DOCK3: variants seen among roughly 807,000 people sequenced by gnomAD.
DOCK3 encodes dedicator of cytokinesis protein 3.
Under a neutral mutation model 265.6 loss-of-function variants are expected in DOCK3, and 60 were observed. The ratio of observed to expected loss-of-function variants is 0.23; its 90% CI spans 0.18 to 0.28. DOCK3 has a LOEUF of 0.28. Ranked by LOEUF, DOCK3 falls within the 10% of genes least tolerant of loss-of-function variation. The pLI is 1.00. For missense variants in DOCK3, 1,981 were observed against 2,594.3 expected (o/e 0.76, Z 5.14); for synonymous variants, 881 against 938.0 (o/e 0.94, Z 1.11).
intron 1 of DOCK3, among the ~76,000 whole-genome samples, chr3:50,754,547 T>A (rs2040036954): frequency 6.6e-6 from 1 of 152,064 alleles, no homozygotes; most frequent in Non-Finnish European, 1.5e-5. Context: ...TACTGCTTTT[T>A]GTTTTAACAA....
chr3:50,941,498 T>A (rs1337927635), intron 5 of DOCK3, among the ~76,000 whole-genome samples: 1 of 152,018 alleles, frequency 6.6e-6, no homozygotes. Context: ...TGGAGAAAAA[T>A]TTGGACTTTT....
intron 5 of DOCK3, among the ~76,000 whole-genome samples, chr3:51,024,082 A>G (rs993210587): frequency 6.6e-6 from 1 of 151,958 alleles, no homozygotes; most frequent in Non-Finnish European, 1.5e-5. Context: ...TCTGACTTCA[A>G]TGTTTGTAGT....
chr3:50,797,582 A>G (rs530790051), intron 2 of DOCK3, among the ~76,000 whole-genome samples: 3 of 152,268 alleles, frequency 2.0e-5, no homozygotes, highest in South Asian at 2.1e-4. Flanking sequence ...CACTTGTAGT[A>G]TTTTTGAGGC....
intron 9 of DOCK3, among the ~76,000 whole-genome samples, chr3:51,110,418 T>C (rs1377383088): frequency 6.6e-6 from 1 of 152,136 alleles, no homozygotes; most frequent in East Asian, 1.9e-4. Flanking sequence ...TTGATGAACA[T>C]TGATGCAAAA....
intron 2 of DOCK3, among the ~76,000 whole-genome samples, chr3:50,779,038 A>G (rs1474226747): frequency 2.6e-5 from 4 of 152,200 alleles, no homozygotes; most frequent in African/African-American, 9.7e-5. Flanking sequence ...TGGTACAGAT[A>G]TACAATGTGT....
intron 5 of DOCK3, among the ~76,000 whole-genome samples, chr3:51,009,091 G>C (rs1286977233): frequency 2.0e-5 from 3 of 152,022 alleles, no homozygotes; most frequent in Non-Finnish European, 4.4e-5. Context: ...TTTTTGTTGA[G>C]TCTCTGCCAG....
At position 51,374,658 on chromosome 3, in the gene DOCK3, C is replaced by T. The variant is rs1232019835; in HGVS notation, c.5412+71C>T. 24 of 1,411,028 alleles carry T rather than the reference C, an allele frequency of 1.7e-5. No homozygotes were observed. The highest frequency in any genetic ancestry group is 2.5e-5 in the South Asian group (2 of 80,956). 87.4% of individuals were successfully genotyped at this position (1,411,028 alleles called of 1,614,324 possible). On this transcript the variant is annotated intron_variant, in intron 50 of 52. Transcript: ENST00000266037. This position sits in a 1 kb window ranked among gnomAD's most constrained non-coding sequence, Gnocchi z 4.8. ...GCCTGTGCTTCCCTCCTTGCATTTGCGGGGCCTTCTGCATTGTCCTACATG... is the reference window on the plus strand; with the variant it reads ...GCCTGTGCTTCCCTCCTTGCATTTGTGGGGCCTTCTGCATTGTCCTACATG...
intron 5 of DOCK3, among the ~76,000 whole-genome samples, chr3:51,041,193 TA>T (rs1559977998): frequency 0.011 from 202 of 18,020 alleles, no homozygotes; most frequent in African/African-American, 0.021. Flanking sequence ...TATATATATA[TA>T]TATATATATA....
chr3:51,281,720 C>G (rs1325357260), intron 27 of DOCK3, among the ~76,000 whole-genome samples: 2 of 152,172 alleles, frequency 1.3e-5, no homozygotes, highest in Non-Finnish European at 2.9e-5. Context: ...TCCTTCAGTG[C>G]TGATTACAAA....
chr3:50,839,794 A>G (rs2045730433), intron 2 of DOCK3, among the ~76,000 whole-genome samples: 1 of 122,436 alleles, frequency 8.2e-6, no homozygotes, highest in South Asian at 3.1e-4. Flanking sequence ...TTTGAGATGG[A>G]GTATCACTCT....
chr3:50,823,492 C>T (rs371764857), intron 2 of DOCK3, among the ~76,000 whole-genome samples: 1 of 152,220 alleles, frequency 6.6e-6, no homozygotes, highest in Non-Finnish European at 1.5e-5. Flanking sequence ...GGTAAGGTCA[C>T]AGATCAACAG....
intron 22 of DOCK3, among the ~76,000 whole-genome samples, chr3:51,255,768 C>CT (rs1437032817): frequency 6.6e-6 from 1 of 152,168 alleles, no homozygotes; most frequent in East Asian, 1.9e-4. Context: ...TTTGTCTAAT[C>CT]TTTTTTCAAG....
chr3:51,197,259 C>G (rs1246454465), intron 12 of DOCK3, among the ~76,000 whole-genome samples: 1 of 152,192 alleles, frequency 6.6e-6, no homozygotes, highest in Non-Finnish European at 1.5e-5. Context: ...TGTACACTGG[C>G]AGCCATGTTG....
At chr3:50,994,120 TGAC>T (rs2078201065) in intron 5 of DOCK3, among the ~76,000 whole-genome samples, 1 of 152,170 alleles carries the variant, frequency 6.6e-6, no homozygotes, top group Non-Finnish European at 1.5e-5. Flanking sequence ...CCTGTGAAGA[TGAC>T]AAGTAGTGAA....
rs374042433 is a variant in DOCK3 at position 51,260,335 on chromosome 3, A to G, written c.2355+9A>G. On this transcript the variant is annotated intron_variant, in intron 23 of 52. Transcript: ENST00000266037. ...CACTCCTTTTTACTCAGGTTCGCACACTGCAGGGAAGCTTTGATGCTGGGT... is the reference window on the plus strand; with the variant it reads ...CACTCCTTTTTACTCAGGTTCGCACGCTGCAGGGAAGCTTTGATGCTGGGT... 41 of 1,596,712 alleles carry G rather than the reference A, an allele frequency of 2.6e-5. No homozygotes were observed. The Middle Eastern group carries it at 1.4e-3, about 54-fold the overall frequency.
At chr3:50,888,543 G>A (rs548356987) in intron 3 of DOCK3, among the ~76,000 whole-genome samples, 12 of 152,192 alleles carry the variant, frequency 7.9e-5, no homozygotes, top group Middle Eastern at 3.4e-3. Context: ...AGAAGAGCCC[G>A]CATCGCCAAG....
At chr3:51,313,133 T>C (rs2083183705) in intron 31 of DOCK3, among the ~76,000 whole-genome samples, 2 of 152,120 alleles carry the variant, frequency 1.3e-5, no homozygotes, top group Admixed American at 1.3e-4. Context: ...CCAAATCCCT[T>C]TTTTTAGGAA....
chr3:51,265,623 A>G (rs2080119434), intron 23 of DOCK3, among the ~76,000 whole-genome samples: 1 of 152,242 alleles, frequency 6.6e-6, no homozygotes, highest in East Asian at 1.9e-4. Context: ...CAATAGATGC[A>G]GAAAAGGCCT....
intron 3 of DOCK3, among the ~76,000 whole-genome samples, chr3:50,888,557 A>G (rs370383714): frequency 2.6e-5 from 4 of 152,316 alleles, no homozygotes; most frequent in East Asian, 3.9e-4. Context: ...CGCCAAGTCA[A>G]TCCTAAGCCG....
Sources: gnomAD v4.1 joint callset for allele counts (sites outside exome capture counted in the v4.1 genomes callset) on GRCh38, gnomAD v4.1.1 for gene constraint, Gnocchi (gnomAD v3.1) non-coding constraint, MANE v1.5 for transcripts, NCBI Gene and HGNC (gene_info 2026-07-23, HGNC 2026-07-21) for gene names.